The following CLCN5 variants were observed in gnomAD, a reference collection of about 807,000 sequenced individuals.
CLCN5 encodes the protein H(+)/Cl(-) exchange transporter 5.
In CLCN5, 17 loss-of-function variants were observed where a neutral mutation model predicts 54.0. The ratio of observed to expected loss-of-function variants is 0.31; its 90% CI spans 0.22 to 0.47. CLCN5 has a LOEUF of 0.47. CLCN5 is among the 20% of genes least tolerant of loss of function. CLCN5 has a pLI of 1.00. For missense variants in CLCN5, 448 were observed against 646.7 expected (o/e 0.69, Z 3.33); for synonymous variants, 222 against 233.0 (o/e 0.95, Z 0.43).
intron 3 of CLCN5, among the ~76,000 whole-genome samples, chrX:50,040,483 G>T (rs1484355549): frequency 8.9e-6 from 1 of 111,859 alleles, no homozygotes; most frequent in African/African-American, 3.3e-5. Context: ...GTTCACATTT[G>T]CACAGATTTC....
rs1001592838 is a variant in CLCN5 at position 49,931,537 on chromosome X, A to C, written c.16+6223A>C. ...TGAAAAAACTGAAGACATAGTTTTC[A>C]TACTAGGGGAATGTAAGTATATTAT... On this transcript the variant is annotated intron_variant, in intron 3 of 14. Transcript: ENST00000376091. 5.4e-5 allele frequency among the ~76,000 whole-genome samples: 6 copies of C among 110,987 alleles called. No individual in the cohort carries two copies. In the East Asian group the frequency reaches 1.4e-3, roughly 26 times the overall value.
chrX:50,045,461 A>G (rs1932364635), intron 4 of CLCN5, among the ~76,000 whole-genome samples: 1 of 112,294 alleles, frequency 8.9e-6, no homozygotes, highest in Admixed American at 9.4e-5. Context: ...TGGTTAAACC[A>G]GAGTGGTTAA....
chrX:49,963,397 C>T (rs1165151230), intron 3 of CLCN5, among the ~76,000 whole-genome samples: 1 of 111,379 alleles, frequency 9.0e-6, no homozygotes, highest in Admixed American at 9.5e-5. Context: ...CCATATATAA[C>T]TTATAGCATG....
chrX:50,032,571 G>T (rs1296463805), intron 3 of CLCN5, among the ~76,000 whole-genome samples: 1 of 107,117 alleles, frequency 9.3e-6, no homozygotes, highest in Admixed American at 9.8e-5. Flanking sequence ...GGGGTTGTTT[G>T]TTTTTTTCTT....
intron 3 of CLCN5, among the ~76,000 whole-genome samples, chrX:49,979,025 AAC>A (rs1304316202): frequency 9.0e-6 from 1 of 111,359 alleles, no homozygotes; most frequent in Non-Finnish European, 1.9e-5. Flanking sequence ...AGATAATCAA[AAC>A]ACAGGATGGG....
At chrX:50,041,170 G>GT (rs1175474816) in intron 3 of CLCN5, among the ~76,000 whole-genome samples, 4 of 111,678 alleles carry the variant, frequency 3.6e-5, no homozygotes, top group African/African-American at 6.5e-5. Context: ...TATCCTATTT[G>GT]TTTTTTACCA....
intron 8 of CLCN5, among the ~76,000 whole-genome samples, chrX:50,081,151 A>G (rs1933681692): frequency 9.0e-6 from 1 of 111,601 alleles, no homozygotes. Context: ...GACAGTGACT[A>G]AAGACACTGA....
At chrX:49,928,292 T>C (rs1205470602) in intron 3 of CLCN5, among the ~76,000 whole-genome samples, 1 of 111,860 alleles carries the variant, frequency 8.9e-6, no homozygotes, top group Admixed American at 9.5e-5. Context: ...CTATTATATA[T>C]CAATTTTTGA....
At chrX:50,054,553 AC>A (rs1237593426) in intron 4 of CLCN5, 1 of 104,112 alleles carries the variant, frequency 9.6e-6, no homozygotes, top group Non-Finnish European at 1.9e-5. Context: ...TCTTGTACTC[AC>A]GCCAGTCCAC....
At position 49,922,751 on chromosome X, in the gene CLCN5, G is replaced by C; in HGVS notation, c.-246G>C. 8.8e-6 allele frequency: 1 copy of C among 113,187 alleles called. No homozygotes were observed. The highest frequency in any genetic ancestry group is 2.8e-4 in the East Asian group (1 of 3,540). 9.3% of individuals were successfully genotyped at this position (113,187 alleles called of 1,213,427 possible). On this transcript the variant is annotated 5_prime_UTR_variant, in exon 1 of 15. Coordinates refer to ENST00000376091, the MANE Select transcript of CLCN5 (RefSeq NM_001127898.4). The stretch of plus-strand genomic sequence containing the variant: ...GAGCCGACCGAGCGCGCTGCCCACC[G>C]GCGGCGGACACGGGCTCCGCCGCTC...
At position 50,086,776 on chromosome X, in the gene CLCN5, G is replaced by T; in HGVS notation, c.1463G>T (p.Arg488Ile). The T allele has an allele frequency of 8.3e-7, 1 of 1,211,392 alleles. No homozygotes were observed. Among genetic ancestry groups the T allele is most frequent in the African/African-American group, 1.7e-5 (1 of 57,682 alleles). ...AGCAAAGGGGGTGAACTGCCTGACA[G>T]ACCGGCTGGCGTGGGAGTCTACAGT... ...NTSKGGELPD[R>I]PAGVGVYSAM... Residue 488 changes from arginine to isoleucine, a missense_variant, in exon 11 of 15, where the codon AGA becomes ATA. Arg to Ile is a moderately conservative substitution (Grantham distance 97). Around this residue, in one of 5 missense-constraint regions of CLCN5, gnomAD observed 297 missense variants for 470.4 expected, o/e 0.63. Coordinates refer to ENST00000376091, the MANE Select transcript of CLCN5 (RefSeq NM_001127898.4).
intron 3 of CLCN5, among the ~76,000 whole-genome samples, chrX:49,928,110 A>G (rs1476623408): frequency 8.9e-6 from 1 of 112,267 alleles, no homozygotes; most frequent in East Asian, 2.8e-4. Context: ...GGGAGACTAC[A>G]GTTAACAATA....
intron 4 of CLCN5, among the ~76,000 whole-genome samples, chrX:50,062,674 GA>G (rs782557982): frequency 1.0e-5 from 1 of 98,745 alleles, no homozygotes; most frequent in African/African-American, 4.6e-5. Flanking sequence ...GACATCTACA[GA>G]ACACTCCACC....
At chrX:49,993,687 C>T (rs782291157) in intron 3 of CLCN5, among the ~76,000 whole-genome samples, 3 of 112,133 alleles carry the variant, frequency 2.7e-5, no homozygotes, top group Non-Finnish European at 3.8e-5. Flanking sequence ...GTGGCATTGT[C>T]CTAAGGGAGT....
intron 3 of CLCN5, among the ~76,000 whole-genome samples, chrX:49,933,543 G>A (rs1925771242): frequency 1.8e-5 from 2 of 112,121 alleles, no homozygotes; most frequent in African/African-American, 6.5e-5. Flanking sequence ...TGTCACATCC[G>A]GGGTCAAGTG....
intron 4 of CLCN5, among the ~76,000 whole-genome samples, chrX:50,055,948 T>G (rs989758742): frequency 1.8e-5 from 2 of 110,770 alleles, no homozygotes; most frequent in South Asian, 7.7e-4. Context: ...TGTTTCTGGG[T>G]TTTTGCTACT....
At chrX:50,055,203 C>T (rs1235387597) in intron 4 of CLCN5, among the ~76,000 whole-genome samples, 3 of 111,808 alleles carry the variant, frequency 2.7e-5, no homozygotes, top group African/African-American at 9.8e-5. Context: ...ATAAGGGCCT[C>T]TCAGAAGTCA....
At chrX:50,006,498 G>T (rs782153474) in intron 3 of CLCN5, among the ~76,000 whole-genome samples, 28 of 111,627 alleles carry the variant, frequency 2.5e-4, no homozygotes, top group Non-Finnish European at 4.7e-4. Context: ...GAGCATCAGG[G>T]ACCCTGGTTT....
chrX:50,090,586 C>T, intron 13 of CLCN5, 72 bp downstream of exon 13: 1 of 1,157,987 alleles, frequency 8.6e-7, no homozygotes, highest in Non-Finnish European at 1.2e-6. Flanking sequence ...TGGGGGAAGA[C>T]AGGGAAGGGG....
Sources: gnomAD v4.1 joint callset for allele counts (sites outside exome capture counted in the v4.1 genomes callset) on GRCh38, gnomAD v4.1.1 for gene constraint, gnomAD v4.1.1 regional missense constraint, MANE v1.5 for transcripts, NCBI Gene and HGNC (gene_info 2026-07-23, HGNC 2026-07-21) for gene names.